The following PCDHGA1 variants were observed in gnomAD, a reference collection of about 807,000 sequenced individuals.
PCDHGA1 encodes the protein protocadherin gamma-A1.
Under a neutral mutation model 58.0 loss-of-function variants are expected in PCDHGA1, and 32 were observed. That is an observed-to-expected ratio of 0.55 (90% confidence interval 0.42 to 0.74). The LOEUF (loss-of-function observed/expected upper bound fraction) is 0.74, where lower values mean the gene tolerates loss of function less well. Among genes scored for constraint, PCDHGA1 ranks in the 30% least tolerant of loss-of-function variants. The pLI is 0.00. For synonymous variants in PCDHGA1, 498 were observed against 501.1 expected, an observed-to-expected ratio of 0.99 and a Z score of 0.08; for missense variants, 1,205 against 1,182.3, an observed-to-expected ratio of 1.02 and a Z score of -0.28.
At chr5:141,342,781 T>C (rs1281398889) in intron 1 of PCDHGA1, 1 of 152,236 alleles carries the variant, frequency 6.6e-6, no homozygotes, top group Admixed American at 6.5e-5. Context: ...ATATATTGTA[T>C]TTATATTTCT....
In PCDHGA1 at chr5:141,485,990, C is replaced by T. The variant is rs1285988124; in HGVS notation, c.2422-8817C>T. 2.5e-6 allele frequency: 4 copies of T among 1,614,168 alleles called. No homozygotes were observed. The stretch of plus-strand genomic sequence containing the variant: ...CAATGCCTCAGACCCGGACCTGGGT[C>T]CCAGTGGTAACGTCACCTTTTATTT... On this transcript the variant is annotated intron_variant, in intron 1 of 3. Coordinates refer to ENST00000517417, the MANE Select transcript of PCDHGA1 (RefSeq NM_018912.3). This position sits in a 1 kb window ranked among gnomAD's most constrained non-coding sequence, Gnocchi z 5.7.
chr5:141,502,383 G>A (rs941410477), intron 2 of PCDHGA1, among the ~76,000 whole-genome samples: 2 of 151,846 alleles, frequency 1.3e-5, no homozygotes, highest in African/African-American at 4.8e-5. Context: ...CAGGCCAGTT[G>A]TACTTTAAAA....
At chr5:141,502,708 A>G (rs1172090234) in intron 2 of PCDHGA1, among the ~76,000 whole-genome samples, 1 of 152,204 alleles carries the variant, frequency 6.6e-6, no homozygotes, top group Non-Finnish European at 1.5e-5. Flanking sequence ...CTGTTTTTAC[A>G]TCAGTGATTA....
rs376721940 is a variant in PCDHGA1, at chr5:141,410,147, G to A, written c.2421+77042G>A. 18 of 1,612,952 alleles carry A rather than the reference G, an allele frequency of 1.1e-5. No homozygotes were observed. The East Asian group carries it at 3.6e-4, about 32-fold the overall frequency. ...GCGCCTGCTGGTCGCTGTGCGTGAC[G>A]GTGGACAGCCGCCACTCTCTGCCAC... On this transcript the variant is annotated intron_variant, in intron 1 of 3. Transcript: ENST00000517417.
At chr5:141,383,719 A>G in intron 1 of PCDHGA1, 1 of 1,613,984 alleles carries the variant, frequency 6.2e-7, no homozygotes, top group Non-Finnish European at 8.5e-7. Flanking sequence ...CGAGGGAGTC[A>G]ATGGGGAAGT....
At chr5:141,417,706 A>T in intron 1 of PCDHGA1, 1 of 1,214,910 alleles carries the variant, frequency 8.2e-7, no homozygotes, top group Non-Finnish European at 1.1e-6. Flanking sequence ...TCCCACACAG[A>T]GGCTCCCGGC....
chr5:141,367,411 C>G (rs1046748433), intron 1 of PCDHGA1: 8 of 152,236 alleles, frequency 5.3e-5, no homozygotes, highest in Admixed American at 3.9e-4. Context: ...GTGGCAGGCG[C>G]CTGTAGTCCC....
intron 1 of PCDHGA1, chr5:141,421,426 A>T: frequency 1.2e-6 from 2 of 1,614,104 alleles, no homozygotes; most frequent in Non-Finnish European, 8.5e-7. Flanking sequence ...CGGAGTCCGC[A>T]TCGTCTCCAG....
intron 1 of PCDHGA1, among the ~76,000 whole-genome samples, chr5:141,434,049 A>G (rs868088310): frequency 2.0e-5 from 3 of 152,116 alleles, no homozygotes; most frequent in Non-Finnish European, 2.9e-5. Flanking sequence ...ATTTTATTCA[A>G]TGGCCTGTAA....
Position 141,431,758 on chromosome 5 carries a change from C to T in PCDHGA1, c.2422-63049C>T. Reference sequence around the variant, plus strand: ...CAGGATATTCTGCGCGAGCCAAAGTCCTGATCACTGTTCTGGACGTGAACG... The same window carrying T: ...CAGGATATTCTGCGCGAGCCAAAGTTCTGATCACTGTTCTGGACGTGAACG... On this transcript the variant is annotated intron_variant, in intron 1 of 3. Transcript: ENST00000517417. This position sits in a 1 kb window ranked among gnomAD's most constrained non-coding sequence, Gnocchi z 4.8. 1.9e-6 allele frequency: 3 copies of T among 1,614,172 alleles called. No homozygotes were observed. The highest frequency in any genetic ancestry group is 1.7e-6 in the Non-Finnish European group (2 of 1,180,020).
At chr5:141,385,309 C>G (rs774342510) in intron 1 of PCDHGA1, 1 of 1,612,276 alleles carries the variant, frequency 6.2e-7, no homozygotes, top group South Asian at 1.1e-5. Flanking sequence ...TAAAGAAAAC[C>G]TGCCAAGTAT....
chr5:141,467,878 C>T (rs937986234), intron 1 of PCDHGA1, among the ~76,000 whole-genome samples: 8 of 151,998 alleles, frequency 5.3e-5, no homozygotes, highest in Non-Finnish European at 7.4e-5. Flanking sequence ...AGGCTGGTCT[C>T]AAACTCCTGA....
chr5:141,375,605 A>C, intron 1 of PCDHGA1: 2 of 1,614,082 alleles, frequency 1.2e-6, no homozygotes, highest in Non-Finnish European at 1.7e-6. Flanking sequence ...CGTGTCCATC[A>C]ACTCCGACAC....
chr5:141,360,210 C>G (rs748051773), intron 1 of PCDHGA1: 2 of 1,613,122 alleles, frequency 1.2e-6, no homozygotes, highest in East Asian at 2.2e-5. Flanking sequence ...TGTCTTTGTT[C>G]CCCGGGGCTC....
In PCDHGA1 at chr5:141,421,099, G is replaced by A. The variant is rs941392242; in HGVS notation, c.2422-73708G>A. ...GATACTCACAGATCCTGACACTGGA[G>A]ACTTAGAAGTATTTTCCTTCGCTTT... is the stretch of plus-strand genomic sequence containing the variant. On this transcript the variant is annotated intron_variant, in intron 1 of 3. Coordinates refer to ENST00000517417, the MANE Select transcript of PCDHGA1 (RefSeq NM_018912.3). 1.2e-5 allele frequency: 8 copies of A among 680,384 alleles called. No individual in the cohort carries two copies. In the Admixed American group the frequency reaches 1.2e-4, roughly 11 times the overall value. 42.1% of individuals were successfully genotyped at this position (680,384 alleles called of 1,614,324 possible).
chr5:141,340,807 C>T (rs149085110), intron 1 of PCDHGA1: 3 of 1,613,604 alleles, frequency 1.9e-6, no homozygotes, highest in Admixed American at 3.3e-5. Context: ...TCAAGGCCAG[C>T]GAGCCGGGAC....
Position 141,431,677 on chromosome 5 carries a change from G to T in PCDHGA1, c.2422-63130G>T. The T allele has an allele frequency of 1.2e-6, 2 of 1,614,236 alleles. No homozygotes were observed. Among genetic ancestry groups the T allele is most frequent in the Non-Finnish European group, 1.7e-6 (2 of 1,180,050 alleles). ...CAGGGACAATATCAACAATAGGGGAGTTGGACCACGAGGAGTCAGGATTCT... is the reference window on the plus strand; with the variant it reads ...CAGGGACAATATCAACAATAGGGGATTTGGACCACGAGGAGTCAGGATTCT... On this transcript the variant is annotated intron_variant, in intron 1 of 3. Coordinates refer to ENST00000517417, the MANE Select transcript of PCDHGA1 (RefSeq NM_018912.3). The surrounding 1 kb of genome is among the most constrained non-coding windows in gnomAD (Gnocchi z 4.8).
At chr5:141,408,578 G>A (rs775312574) in intron 1 of PCDHGA1, 3 of 1,613,928 alleles carry the variant, frequency 1.9e-6, no homozygotes, top group African/African-American at 1.3e-5. Flanking sequence ...GATTGAGGAT[G>A]TTAATGACCA....
At chr5:141,340,128 TC>T (rs1248162259) in intron 1 of PCDHGA1, 1 of 1,614,162 alleles carries the variant, frequency 6.2e-7, no homozygotes, top group African/African-American at 1.3e-5. Context: ...ACCTGTTCAC[TC>T]CCCGAGGATC....
Sources: gnomAD v4.1 joint callset for allele counts (sites outside exome capture counted in the v4.1 genomes callset) on GRCh38, gnomAD v4.1.1 for gene constraint, Gnocchi (gnomAD v3.1) non-coding constraint, MANE v1.5 for transcripts, NCBI Gene and HGNC (gene_info 2026-07-23, HGNC 2026-07-21) for gene names.